Variants in CLNK observed in about 807,000 individuals in gnomAD.
CLNK encodes the protein cytokine-dependent hematopoietic cell linker.
Under a neutral mutation model 68.6 loss-of-function variants are expected in CLNK, and 74 were observed. The ratio of observed to expected loss-of-function variants is 1.08; its 90% CI spans 0.89 to 1.31. The LOEUF (loss-of-function observed/expected upper bound fraction) is 1.31. CLNK is among the 50% of genes most tolerant of loss of function. The pLI is 0.00. For missense variants in CLNK, 553 were observed against 515.3 expected, an observed-to-expected ratio of 1.07 and a Z score of -0.71; for synonymous variants, 198 against 172.2, an observed-to-expected ratio of 1.15 and a Z score of -1.17.
At chr4:10,719,390 A>T in the CLNK span, among the ~76,000 whole-genome samples, 1 of 152,096 alleles carries the variant, frequency 6.6e-6, no homozygotes, top group Admixed American at 6.5e-5. Context: ...ATTTACAAAG[A>T]TTAATCAAAA....
the CLNK span, among the ~76,000 whole-genome samples, chr4:10,717,034 T>TA: frequency 6.9e-6 from 1 of 145,420 alleles, no homozygotes; most frequent in African/African-American, 2.5e-5. Flanking sequence ...AAAAAAAAAA[T>TA]TATATTCCAC....
At chr4:10,603,335 T>G (rs1721661346) in intron 2 of CLNK, among the ~76,000 whole-genome samples, 1 of 152,238 alleles carries the variant, frequency 6.6e-6, no homozygotes, top group Non-Finnish European at 1.5e-5. Context: ...AAATCAGAAC[T>G]GCAAGAAATT....
chr4:10,561,847 C>T (rs989037233), intron 7 of CLNK, among the ~76,000 whole-genome samples: 1 of 152,206 alleles, frequency 6.6e-6, no homozygotes, highest in Non-Finnish European at 1.5e-5. Flanking sequence ...AAGACTCGGT[C>T]TCTTTCCCTA....
intron 2 of CLNK, among the ~76,000 whole-genome samples, chr4:10,599,323 C>T (rs1721500017): frequency 6.6e-6 from 1 of 152,110 alleles, no homozygotes; most frequent in African/African-American, 2.4e-5. Flanking sequence ...TTGCCTGTAG[C>T]CCATAGAATA....
chr4:10,543,574 TA>T (rs1473653245), intron 8 of CLNK, among the ~76,000 whole-genome samples: 1 of 152,158 alleles, frequency 6.6e-6, no homozygotes, highest in Non-Finnish European at 1.5e-5. Context: ...CCCATGTCAT[TA>T]AGGGCTTAAT....
Position 10,532,303 on chromosome 4 carries a change from G to A in CLNK, c.603-20C>T, listed in dbSNP as rs750117959. ...ATCTGACTGCAAGAAAAAGAAATAC[G>A]GTGTTACATAAAACACAGTTCATAA... On this transcript the variant is annotated intron_variant, in intron 11 of 18. Coordinates refer to ENST00000226951, the MANE Select transcript of CLNK (RefSeq NM_052964.4). The A allele has an allele frequency of 1.2e-5, 19 of 1,595,770 alleles. No individual in the cohort carries two copies. Among genetic ancestry groups the A allele is most frequent in the East Asian group, 2.2e-5 (1 of 44,746 alleles).
At chr4:10,726,523 A>G in the CLNK span, among the ~76,000 whole-genome samples, 1 of 152,158 alleles carries the variant, frequency 6.6e-6, no homozygotes, top group Admixed American at 6.5e-5. Context: ...AACTAATTAC[A>G]TCTGCAATTG....
At chr4:10,554,844 G>C (rs1383721194) in intron 8 of CLNK, among the ~76,000 whole-genome samples, 1 of 152,154 alleles carries the variant, frequency 6.6e-6, no homozygotes, top group Non-Finnish European at 1.5e-5. Flanking sequence ...AATTCACTCT[G>C]GCACTGCGCT....
chr4:10,591,256 T>G lies in CLNK; in HGVS notation c.84-6301A>C, dbSNP rs199988286. The stretch of plus-strand genomic sequence containing the variant: ...TGAGAGAGGAGTGGACTCTGTAATA[T>G]TCTAGGGAATAGGTATGATGGCCTG... On this transcript the variant is annotated intron_variant, in intron 3 of 18. Coordinates refer to ENST00000226951, the MANE Select transcript of CLNK (RefSeq NM_052964.4). Among the ~76,000 whole-genome samples the G allele has an allele frequency of 9.8e-5, 15 of 152,296 alleles. No homozygotes were observed. The East Asian group carries it at 2.1e-3, about 22-fold the overall frequency.
intron 8 of CLNK, among the ~76,000 whole-genome samples, chr4:10,545,379 G>C (rs1719185273): frequency 6.6e-6 from 1 of 152,192 alleles, no homozygotes; most frequent in Non-Finnish European, 1.5e-5. Context: ...AAGAATTTGG[G>C]TCCTAAGGTT....
At chr4:10,680,867 G>A (rs946829011) in intron 1 of CLNK, among the ~76,000 whole-genome samples, 2 of 152,152 alleles carry the variant, frequency 1.3e-5, no homozygotes, top group Non-Finnish European at 2.9e-5. Context: ...AGTGAAAACA[G>A]CATGTATCAG....
chr4:10,506,829 T>A (rs1717314161), intron 17 of CLNK, among the ~76,000 whole-genome samples: 1 of 152,256 alleles, frequency 6.6e-6, no homozygotes, highest in Non-Finnish European at 1.5e-5. Flanking sequence ...AGAAAGAGTC[T>A]CGCTCTGTCG....
rs1167142040 is a variant in CLNK, at chr4:10,490,467, C to G, written c.1287G>C (p.Ter429TyrextTer72). Residue 429 changes from the stop codon to tyrosine (Y), a stop_lost, in exon 19 of 19, where the codon TAG becomes TAC. Transcript: ENST00000226951. ...LPLTRHLLPL[*>Y] is the part of the protein sequence containing the mutation. Reference sequence around the variant, plus strand: ...AACCAAAGATAACACAAAGACCAGGCTACAGAGGCAAGAGGTGTCTGGTGA... The same window carrying G: ...AACCAAAGATAACACAAAGACCAGGGTACAGAGGCAAGAGGTGTCTGGTGA... 1 of 1,613,152 alleles carries G rather than the reference C, an allele frequency of 6.2e-7. No homozygotes were observed. Among genetic ancestry groups the G allele is most frequent in the Non-Finnish European group, 8.5e-7 (1 of 1,179,602 alleles).
At chr4:10,678,734 A>G (rs549909077) in intron 1 of CLNK, among the ~76,000 whole-genome samples, 1 of 152,282 alleles carries the variant, frequency 6.6e-6, no homozygotes, top group South Asian at 2.1e-4. Context: ...CACCAATAAC[A>G]GACAAACAGA....
chr4:10,719,831 C>G, the CLNK span, among the ~76,000 whole-genome samples: 1 of 152,106 alleles, frequency 6.6e-6, no homozygotes, highest in African/African-American at 2.4e-5. Context: ...TAAAACAAAC[C>G]TTGGCAAACT....
intron 1 of CLNK, among the ~76,000 whole-genome samples, chr4:10,672,417 A>G (rs1435996948): frequency 6.6e-6 from 1 of 152,222 alleles, no homozygotes; most frequent in African/African-American, 2.4e-5. Context: ...GTAATACAAC[A>G]GCTACCCTTA....
At chr4:10,719,583 G>C in the CLNK span, among the ~76,000 whole-genome samples, 1 of 152,002 alleles carries the variant, frequency 6.6e-6, no homozygotes, top group Admixed American at 6.5e-5. Context: ...AAAATGGATA[G>C]AATTAAAAGA....
At chr4:10,734,447 T>A in the CLNK span, among the ~76,000 whole-genome samples, 2 of 152,236 alleles carry the variant, frequency 1.3e-5, no homozygotes, top group Non-Finnish European at 2.9e-5. Flanking sequence ...AGGTCACTTT[T>A]ACTCAGGACC....
chr4:10,608,289 G>A (rs1721863109), intron 2 of CLNK, among the ~76,000 whole-genome samples: 1 of 152,190 alleles, frequency 6.6e-6, no homozygotes, highest in Non-Finnish European at 1.5e-5. Context: ...CTGAAATACA[G>A]CAACTTGAGA....
Sources: allele counts gnomAD v4.1 joint callset (sites outside exome capture counted in the v4.1 genomes callset), GRCh38; gene constraint gnomAD v4.1.1; transcripts MANE v1.5; gene names NCBI Gene and HGNC (gene_info 2026-07-23, HGNC 2026-07-21).